HUS1: variants seen among roughly 807,000 people sequenced by gnomAD.
The protein encoded by HUS1 is HUS1 checkpoint clamp component, also known as checkpoint protein HUS1.
A neutral mutation model predicts 32.6 loss-of-function variants in HUS1; 31 were observed. The ratio of observed to expected loss-of-function variants is 0.95; its 90% CI spans 0.72 to 1.28. The LOEUF is 1.28. HUS1 is among the 50% of genes most tolerant of loss of function. The probability of loss-of-function intolerance (pLI) is 0.00; values close to 1 mark genes in which losing one functional copy is unlikely to be tolerated. For missense variants in HUS1, 340 were observed against 337.7 expected (o/e 1.01, Z -0.05); for synonymous variants, 123 against 116.6 (o/e 1.06, Z -0.36).
At chr7:47,977,887 G>A (rs3176510) in intron 3 of HUS1, among the ~76,000 whole-genome samples, 2 of 152,156 alleles carry the variant, frequency 1.3e-5, no homozygotes, top group East Asian at 1.9e-4. Flanking sequence ...GAGAGACTCC[G>A]TCTCAAAAAA....
intron 1 of HUS1, among the ~76,000 whole-genome samples, chr7:47,979,147 T>TG (rs1435475415): frequency 2.6e-5 from 4 of 152,176 alleles, no homozygotes; most frequent in Admixed American, 1.3e-4. Flanking sequence ...GAGGGACGAA[T>TG]GGGGCCTTGA....
rs565968847 is a variant in HUS1, at chr7:47,979,509, C to T, written c.11G>A (p.Arg4Gln). Residue 4 changes from arginine to glutamine, a missense_variant, in exon 1 of 8, where the codon CGG becomes CAG. Arg to Gln is a conservative substitution (Grantham distance 43, BLOSUM62 1). Transcript: ENST00000258774. MKF[R>Q]AKIVDGACLN... Reference sequence around the variant, plus strand: ...ACAGGCCCCGTCCACGATCTTGGCCCGAAACTTCATGGCCGCGGATGGCGC... The same window carrying T: ...ACAGGCCCCGTCCACGATCTTGGCCTGAAACTTCATGGCCGCGGATGGCGC... The T allele has an allele frequency of 8.7e-6, 14 of 1,612,154 alleles. No individual in the cohort carries two copies. The East Asian group carries it at 2.5e-4, about 28-fold the overall frequency.
chr7:47,971,583 A>T (rs1038347978), intron 5 of HUS1: 6 of 455,978 alleles, frequency 1.3e-5, no homozygotes, highest in Non-Finnish European at 2.6e-5. Context: ...CCACTCCCGC[A>T]CCTACAATGA....
At chr7:47,979,425 T>G (rs758475565) in intron 1 of HUS1, 43 bp downstream of exon 1, 4 of 1,611,650 alleles carry the variant, frequency 2.5e-6, no homozygotes, top group Non-Finnish European at 2.5e-6. Context: ...GCTCACTGCT[T>G]CCTTCCGTTC....
At chr7:47,971,579 C>T (rs1308511727) in intron 5 of HUS1, 3 of 456,236 alleles carry the variant, frequency 6.6e-6, no homozygotes, top group Non-Finnish European at 1.3e-5. Context: ...TGGTCCACTC[C>T]CGCACCTACA....
intron 5 of HUS1, among the ~76,000 whole-genome samples, chr7:47,971,108 C>T (rs189401126): frequency 6.6e-6 from 1 of 152,176 alleles, no homozygotes; most frequent in African/African-American, 2.4e-5. Flanking sequence ...CATTACAAAA[C>T]AGGAAGGGGG....
At position 47,979,044 on chromosome 7, in the gene HUS1, C is replaced by A. The variant is rs544985475; in HGVS notation, c.53-228G>T. ...ATCAGTGTTCAAATAAGAAAACAGG[C>A]ACCTACCAGTCATTCATTCATTCAA... On this transcript the variant is annotated intron_variant, in intron 1 of 7. Coordinates refer to ENST00000258774, the MANE Select transcript of HUS1 (RefSeq NM_004507.4). 6 of 569,508 alleles carry A rather than the reference C, an allele frequency of 1.1e-5. No individual in the cohort carries two copies. In the East Asian group the frequency reaches 1.2e-4, roughly 11 times the overall value. 35.3% of individuals were successfully genotyped at this position (569,508 alleles called of 1,614,324 possible).
chr7:47,975,068 C>G (rs1055593525), intron 5 of HUS1, among the ~76,000 whole-genome samples: 2 of 152,104 alleles, frequency 1.3e-5, no homozygotes, highest in Non-Finnish European at 2.9e-5. Context: ...AATCCCAGTA[C>G]TTTGGGAGGC....
chr7:47,969,203 C>T lies in HUS1; in HGVS notation c.640+16G>A. 7.8e-7 allele frequency: 1 copy of T among 1,288,100 alleles called. No individual in the cohort carries two copies. Among genetic ancestry groups the T allele is most frequent in the Non-Finnish European group, 1.1e-6 (1 of 899,726 alleles). 79.8% of individuals were successfully genotyped at this position (1,288,100 alleles called of 1,614,324 possible). On this transcript the variant is annotated intron_variant, in intron 6 of 7. Transcript: ENST00000258774. Reference sequence around the variant, plus strand: ...TAACTTATCCAAAGCAAAATATAACCCACTAGAAAACTTACCTAATGGAGG... The same window carrying T: ...TAACTTATCCAAAGCAAAATATAACTCACTAGAAAACTTACCTAATGGAGG...
chr7:47,979,373 G>A, intron 1 of HUS1, 95 bp downstream of exon 1: 1 of 1,326,588 alleles, frequency 7.5e-7, no homozygotes, highest in South Asian at 1.2e-5. Flanking sequence ...CCCTTCCGGC[G>A]CCCATCCCCG....
intron 5 of HUS1, among the ~76,000 whole-genome samples, chr7:47,973,739 CTA>C (rs1397531991): frequency 1.3e-5 from 2 of 152,204 alleles, no homozygotes; most frequent in African/African-American, 2.4e-5. Flanking sequence ...CACAATATTT[CTA>C]TGTTTTTTTA....
At chr7:47,976,915 CA>C in intron 3 of HUS1, 78 bp from the exon 4 acceptor site, 4 of 946,978 alleles carry the variant, frequency 4.2e-6, no homozygotes, top group Non-Finnish European at 6.6e-6. Flanking sequence ...AGACCCGGGA[CA>C]AAAAAGTTGA....
intron 5 of HUS1, among the ~76,000 whole-genome samples, chr7:47,973,284 A>G (rs760648800): frequency 4.6e-5 from 7 of 152,228 alleles, no homozygotes; most frequent in East Asian, 1.9e-4. Flanking sequence ...GTACTGCTAC[A>G]TGATGTGGTC....
Position 47,969,319 on chromosome 7 carries a change from C to G in HUS1, c.541-1G>C. On this transcript the variant is annotated splice_acceptor_variant, in intron 5 of 7. Transcript: ENST00000258774. LOFTEE classifies it high-confidence loss of function. ...CTCCATCTAGGTTTGCTTCAATAAC[C>G]TGCAAATTGAGTATTTTACATAGTC... 6.6e-7 allele frequency: 1 copy of G among 1,525,280 alleles called. No individual in the cohort carries two copies. The highest frequency in any genetic ancestry group is 9.0e-7 in the Non-Finnish European group (1 of 1,106,554). The allele number at this position is 1,525,280 out of a possible 1,614,324, so 94.5% of individuals were successfully genotyped here.
intron 7 of HUS1, among the ~76,000 whole-genome samples, chr7:47,966,136 A>AG (rs3176601): frequency 1.4e-4 from 1 of 7,396 alleles, no homozygotes; most frequent in Admixed American, 1.6e-3. Context: ...GACAAGCAGG[A>AG]GACAAACATT....
At chr7:47,973,261 C>A (rs1788635061) in intron 5 of HUS1, among the ~76,000 whole-genome samples, 1 of 152,194 alleles carries the variant, frequency 6.6e-6, no homozygotes, top group Non-Finnish European at 1.5e-5. Context: ...GTAATACAGG[C>A]ACACATCACA....
At position 47,969,264 on chromosome 7, in the gene HUS1, C is replaced by G. The variant is rs771730666; in HGVS notation, c.595G>C (p.Val199Leu). The G allele has an allele frequency of 2.5e-6, 4 of 1,592,486 alleles. No homozygotes were observed. In the Admixed American group the frequency reaches 6.8e-5, roughly 27 times the overall value. The change falls in exon 6 of 8, where the codon GTA (valine) becomes CTA (leucine). Residue 199 changes from valine (V) to leucine (L), a missense_variant. By Grantham distance (32) the Val-to-Leu change is conservative. Coordinates refer to ENST00000258774, the MANE Select transcript of HUS1 (RefSeq NM_004507.4). ...TCTTTAAAATGAGTTGTAACACATA[C>G]TAATTCAGTTTCTATTTTCAAATTC... ...ELNLKIETEL[V>L]CVTTHFKDLG...
intron 5 of HUS1, 141 bp downstream of exon 5, chr7:47,975,472 C>G: frequency 3.1e-6 from 2 of 652,448 alleles, no homozygotes; most frequent in Non-Finnish European, 5.5e-6. Flanking sequence ...TCTGCAGGTT[C>G]TCAGCACCAG....
At chr7:47,974,765 C>A (rs1233173707) in intron 5 of HUS1, among the ~76,000 whole-genome samples, 1 of 152,128 alleles carries the variant, frequency 6.6e-6, no homozygotes, top group African/African-American at 2.4e-5. Flanking sequence ...CATTTCCCAC[C>A]ACTGTCACAC....
Sources: gnomAD v4.1 joint callset for allele counts (sites outside exome capture counted in the v4.1 genomes callset) on GRCh38, gnomAD v4.1.1 for gene constraint, MANE v1.5 for transcripts, NCBI Gene and HGNC (gene_info 2026-07-23, HGNC 2026-07-21) for gene names.